DEUP1: variants seen among roughly 807,000 people sequenced by gnomAD.
The protein encoded by DEUP1 is coiled-coil domain containing 67.
DEUP1 carries 82 observed loss-of-function variants against 87.4 expected under a neutral mutation model. The observed-to-expected ratio is 0.94, with a 90% CI of 0.78 to 1.13. The LOEUF (loss-of-function observed/expected upper bound fraction) is 1.13. Among genes scored for constraint, DEUP1 ranks in the 50% most tolerant of loss-of-function variants. The probability of loss-of-function intolerance (pLI) is 0.00; values close to 1 mark genes in which losing one functional copy is unlikely to be tolerated. For synonymous variants in DEUP1, 214 were observed against 222.7 expected, an observed-to-expected ratio of 0.96 and a Z score of 0.35; for missense variants, 663 against 681.5, an observed-to-expected ratio of 0.97 and a Z score of 0.30.
intron 11 of DEUP1, among the ~76,000 whole-genome samples, chr11:93,401,926 C>T (rs1015469724): frequency 3.9e-5 from 6 of 151,916 alleles, no homozygotes; most frequent in African/African-American, 1.4e-4. Context: ...TAGGGAAATA[C>T]TCCATGACTT....
chr11:93,410,557 A>G (rs978020684), intron 12 of DEUP1, among the ~76,000 whole-genome samples: 1 of 152,192 alleles, frequency 6.6e-6, no homozygotes, highest in African/African-American at 2.4e-5. Context: ...AAGCAAACCC[A>G]TGAAGAACAC....
Position 93,355,366 on chromosome 11 carries a change from G to T in DEUP1, c.30-5G>T, listed in dbSNP as rs201030952. ...AAATGTATTTTACTTTCCTACAATT[G>T]CCAGAACTTCTCCTTGTGAGGCTGA... is the stretch of plus-strand genomic sequence containing the variant. On this transcript the variant is annotated splice_region_variant and splice_polypyrimidine_tract_variant and intron_variant, in intron 2 of 13. Transcript: ENST00000298050. 24 of 1,611,470 alleles carry T rather than the reference G, an allele frequency of 1.5e-5. No homozygotes were observed. In the African/African-American group the frequency reaches 2.5e-4, roughly 17 times the overall value.
intron 11 of DEUP1, among the ~76,000 whole-genome samples, chr11:93,406,696 T>C (rs1460191581): frequency 6.6e-6 from 1 of 151,856 alleles, no homozygotes; most frequent in Admixed American, 6.6e-5. Flanking sequence ...GGAAAACATA[T>C]TTTCAACTAA....
intron 13 of DEUP1, 131 bp downstream of exon 13, chr11:93,415,245 T>C (rs1947575801): frequency 3.9e-6 from 2 of 516,686 alleles, no homozygotes; most frequent in Non-Finnish European, 3.5e-6. Context: ...GACTCCAAGA[T>C]GGGTCTGCGA....
chr11:93,420,129 C>A (rs1231239074), intron 13 of DEUP1, among the ~76,000 whole-genome samples: 3 of 152,270 alleles, frequency 2.0e-5, no homozygotes, highest in South Asian at 2.1e-4. Flanking sequence ...AATTTTAGAC[C>A]AATATCCTTG....
chr11:93,392,705 A>G (rs1189482589), intron 9 of DEUP1, among the ~76,000 whole-genome samples: 1 of 152,160 alleles, frequency 6.6e-6, no homozygotes, highest in East Asian at 1.9e-4. Context: ...TTTTAAAGAT[A>G]TATACTGAAA....
chr11:93,428,639 G>A (rs1213330363), intron 13 of DEUP1, among the ~76,000 whole-genome samples: 1 of 151,620 alleles, frequency 6.6e-6, no homozygotes, highest in Non-Finnish European at 1.5e-5. Context: ...ACCATCACAT[G>A]TTTTAAGTGT....
At chr11:93,420,245 C>T (rs1390173217) in intron 13 of DEUP1, among the ~76,000 whole-genome samples, 28 of 152,242 alleles carry the variant, frequency 1.8e-4, no homozygotes, top group African/African-American at 5.8e-4. Context: ...CCCTGGGATG[C>T]AAGGCTGGTT....
At chr11:93,427,053 G>A (rs1422756830) in intron 13 of DEUP1, among the ~76,000 whole-genome samples, 1 of 100,484 alleles carries the variant, frequency 1.0e-5, no homozygotes, top group East Asian at 3.1e-4. Flanking sequence ...TACTGCCCAA[G>A]GTAATTTGTA....
chr11:93,436,005 A>G (rs1029200862), intron 13 of DEUP1, among the ~76,000 whole-genome samples: 1 of 152,148 alleles, frequency 6.6e-6, no homozygotes, highest in Admixed American at 6.5e-5. Flanking sequence ...CAAAAAAAAA[A>G]AAAAAAAATT....
chr11:93,411,420 A>G (rs1947431109), intron 12 of DEUP1, among the ~76,000 whole-genome samples: 1 of 152,226 alleles, frequency 6.6e-6, no homozygotes, highest in Non-Finnish European at 1.5e-5. Context: ...TAACTGAGGA[A>G]GACTTATATA....
chr11:93,436,340 A>C (rs1040153000), intron 13 of DEUP1, among the ~76,000 whole-genome samples: 6 of 152,214 alleles, frequency 3.9e-5, no homozygotes, highest in Non-Finnish European at 8.8e-5. Flanking sequence ...TTCAGAATTT[A>C]TTGTGACAGC....
intron 13 of DEUP1, among the ~76,000 whole-genome samples, chr11:93,417,878 A>G (rs1330251718): frequency 1.4e-4 from 21 of 152,130 alleles, no homozygotes; most frequent in Non-Finnish European, 2.4e-4. Context: ...ATAATACCGC[A>G]TATCTACAAC....
intron 13 of DEUP1, among the ~76,000 whole-genome samples, chr11:93,429,875 T>G (rs1948049356): frequency 6.6e-6 from 1 of 152,142 alleles, no homozygotes. Context: ...TTCTCAACTC[T>G]TCTAGGAACT....
chr11:93,419,534 C>G (rs1278075143), intron 13 of DEUP1, among the ~76,000 whole-genome samples: 1 of 152,078 alleles, frequency 6.6e-6, no homozygotes, highest in Non-Finnish European at 1.5e-5. Context: ...ATGGGTCAAA[C>G]CACCTAGTTT....
chr11:93,431,955 T>C (rs2134508178), intron 13 of DEUP1, among the ~76,000 whole-genome samples: 1 of 152,314 alleles, frequency 6.6e-6, no homozygotes. Context: ...TTAAAATGTT[T>C]ACTAGACACC....
intron 2 of DEUP1, among the ~76,000 whole-genome samples, chr11:93,344,428 A>C (rs1944232676): frequency 1.3e-5 from 2 of 151,912 alleles, no homozygotes; most frequent in South Asian, 4.1e-4. Context: ...AGCCTTTGAA[A>C]ACTCATTTTC....
At chr11:93,336,535 T>G (rs1346540826) in intron 2 of DEUP1, among the ~76,000 whole-genome samples, 1 of 152,142 alleles carries the variant, frequency 6.6e-6, no homozygotes, top group East Asian at 1.9e-4. Context: ...GAATTCTAAT[T>G]TCCTACCTGG....
In DEUP1 at chr11:93,408,298, A is replaced by T; in HGVS notation, c.1394A>T (p.Glu465Val). 6.3e-7 allele frequency: 1 copy of T among 1,581,702 alleles called. No individual in the cohort carries two copies. The change falls in exon 12 of 14, where the codon GAA (glutamate) becomes GTA (valine). Residue 465 changes from glutamate (E) to valine (V), a missense_variant. Glu to Val is a moderately radical substitution (Grantham distance 121). Transcript: ENST00000298050. ...ATTAATAAACTGCAATATGAGAATG[A>T]AAGGCTCCGAAATGATCTTGCAAAA... is the stretch of plus-strand genomic sequence containing the variant. ...TSINKLQYENERLRNDLAKLH... is the reference protein window; with the variant it reads ...TSINKLQYENVRLRNDLAKLH...
Sources: gnomAD v4.1 joint callset for allele counts (sites outside exome capture counted in the v4.1 genomes callset) on GRCh38, gnomAD v4.1.1 for gene constraint, MANE v1.5 for transcripts, NCBI Gene and HGNC (gene_info 2026-07-23, HGNC 2026-07-21) for gene names.